The following CACNA1E variants were observed in gnomAD, a reference collection of about 807,000 sequenced individuals.
CACNA1E encodes the protein voltage-dependent R-type calcium channel subunit alpha-1E.
In CACNA1E, 40 loss-of-function variants were observed where a neutral mutation model predicts 259.2. The ratio of observed to expected loss-of-function variants is 0.15; its 90% CI spans 0.12 to 0.20. The LOEUF (loss-of-function observed/expected upper bound fraction) is 0.20. CACNA1E is among the 10% of genes least tolerant of loss of function. The pLI is 1.00. For missense variants in CACNA1E, 1,874 were observed against 3,040.1 expected, an observed-to-expected ratio of 0.62 and a Z score of 9.02; for synonymous variants, 1,104 against 1,138.5, an observed-to-expected ratio of 0.97 and a Z score of 0.61.
At chr1:181,665,305 C>T (rs781555689) in intron 7 of CACNA1E, among the ~76,000 whole-genome samples, 16 of 152,090 alleles carry the variant, frequency 1.1e-4, no homozygotes, top group Non-Finnish European at 1.9e-4. Context: ...TCATATACTC[C>T]AGGATTTGTC....
In CACNA1E at chr1:181,732,511, A is replaced by G. The variant is rs958027601; in HGVS notation, c.2425A>G (p.Asn809Asp). 53 of 1,551,154 alleles carry G rather than the reference A, an allele frequency of 3.4e-5. No individual in the cohort carries two copies. The highest frequency in any genetic ancestry group is 4.6e-5 in the Non-Finnish European group (53 of 1,146,802). Reference sequence around the variant, plus strand: ...GGAGGCGCCGACCATGAACCCGCTCAACCCCCTCAACCCGCTCAGCTCCCT... The same window carrying G: ...GGAGGCGCCGACCATGAACCCGCTCGACCCCCTCAACCCGCTCAGCTCCCT... The part of the protein sequence containing the change: ...REEAPTMNPL[N>D]PLNPLSSLNP... Residue 809 changes from asparagine to aspartate, a missense_variant, in exon 20 of 48, where the codon AAC becomes GAC. By Grantham distance (23) the Asn-to-Asp change is conservative. Transcript: ENST00000367573. The surrounding 1 kb of genome is among the most constrained non-coding windows in gnomAD (Gnocchi z 5.5).
intron 3 of CACNA1E, among the ~76,000 whole-genome samples, chr1:181,551,790 C>T (rs1648189570): frequency 1.3e-5 from 2 of 152,102 alleles, no homozygotes; most frequent in South Asian, 4.1e-4. Flanking sequence ...GAGCTCACTA[C>T]CGGGCAAGGC....
At chr1:181,719,956 AG>A (rs1558304309) in intron 13 of CACNA1E, 93 bp downstream of exon 13, 2 of 821,642 alleles carry the variant, frequency 2.4e-6, no homozygotes, top group South Asian at 1.8e-5. Context: ...TTTCCCCCTT[AG>A]GGGGAAAGTA....
At chr1:181,753,939 C>T (rs1361464963) in intron 27 of CACNA1E, among the ~76,000 whole-genome samples, 4 of 152,204 alleles carry the variant, frequency 2.6e-5, no homozygotes, top group African/African-American at 9.6e-5. Context: ...CCCATGCTCC[C>T]AAGGAAGTGG....
rs74127846 is a variant in CACNA1E, at chr1:181,746,074, G to A, written c.3720-4402G>A. Among the ~76,000 whole-genome samples, 1,098 of 152,296 alleles carry A rather than the reference G, an allele frequency of 7.2e-3. 15 individuals carry two copies. Among genetic ancestry groups the A allele is most frequent in the African/African-American group, 0.025 (1,043 of 41,562 alleles). On this transcript the variant is annotated intron_variant, in intron 25 of 47. Coordinates refer to ENST00000367573, the MANE Select transcript of CACNA1E (RefSeq NM_001205293.3). ...TCTGGTCACATGACAAAGAAAGATG[G>A]CAGAATAACAATGGATTGAGGGTTC...
intron 2 of CACNA1E, among the ~76,000 whole-genome samples, chr1:181,415,352 GC>G (rs1184942467): frequency 6.6e-6 from 1 of 152,184 alleles, no homozygotes; most frequent in Non-Finnish European, 1.5e-5. Context: ...TACCTGGGGT[GC>G]TGGCGGGGAT....
At chr1:181,729,221 C>G (rs1158833876) in intron 18 of CACNA1E, among the ~76,000 whole-genome samples, 1 of 151,752 alleles carries the variant, frequency 6.6e-6, no homozygotes, top group Non-Finnish European at 1.5e-5. Context: ...GTGTGCCCTG[C>G]TCAGCTGTGT....
intron 1 of CACNA1E, among the ~76,000 whole-genome samples, chr1:181,341,441 C>T (rs1213809634): frequency 6.6e-6 from 1 of 152,208 alleles, no homozygotes; most frequent in Non-Finnish European, 1.5e-5. Context: ...CCCCACCTTC[C>T]TCCTCCCTTG....
At chr1:181,723,492 C>A (rs11811825) in intron 16 of CACNA1E, among the ~76,000 whole-genome samples, 1 of 152,112 alleles carries the variant, frequency 6.6e-6, no homozygotes, top group Admixed American at 6.5e-5. Flanking sequence ...TTTTTACTCA[C>A]CAACAAGCAA....
At chr1:181,520,455 A>G (rs959848441) in intron 3 of CACNA1E, among the ~76,000 whole-genome samples, 19 of 152,220 alleles carry the variant, frequency 1.2e-4, no homozygotes, top group Admixed American at 6.5e-5. Flanking sequence ...TGCCTTGAAA[A>G]AAACCAGCAT....
chr1:181,502,994 T>TGGCCA, intron 1 of CACNA1E, among the ~76,000 whole-genome samples: 1 of 152,340 alleles, frequency 6.6e-6, no homozygotes, highest in East Asian at 1.9e-4. Flanking sequence ...CCACTGTGCC[T>TGGCCA]GGCCAGGCCA....
intron 1 of CACNA1E, among the ~76,000 whole-genome samples, chr1:181,354,118 A>ACTGGCAG (rs930274973): frequency 1.3e-5 from 2 of 150,050 alleles, no homozygotes; most frequent in Admixed American, 6.6e-5. Flanking sequence ...TCTATATCAG[A>ACTGGCAG]CTGGCAGCTG....
chr1:181,582,345 C>G (rs905196619), intron 6 of CACNA1E, among the ~76,000 whole-genome samples: 6 of 152,310 alleles, frequency 3.9e-5, no homozygotes, highest in Admixed American at 3.3e-4. Context: ...AGTGCAGTCA[C>G]TCCTCATTTG....
chr1:181,731,686 C>T (rs933088884), intron 19 of CACNA1E, among the ~76,000 whole-genome samples: 15 of 152,124 alleles, frequency 9.9e-5, no homozygotes, highest in Non-Finnish European at 1.8e-4. Context: ...CTGCACTTGT[C>T]ATGTTCATGA....
chr1:181,701,394 G>A (rs1001208152), intron 7 of CACNA1E, among the ~76,000 whole-genome samples: 3 of 151,842 alleles, frequency 2.0e-5, no homozygotes, highest in Non-Finnish European at 1.5e-5. Flanking sequence ...AGATGGAGGA[G>A]AAAGAAGAAT....
At chr1:181,779,615 C>A (rs1235184648) in intron 38 of CACNA1E, 4 of 326,240 alleles carry the variant, frequency 1.2e-5, no homozygotes, top group Non-Finnish European at 2.6e-5. Context: ...CTCTGCTCCA[C>A]CACCACTGCG....
intron 2 of CACNA1E, among the ~76,000 whole-genome samples, chr1:181,511,113 C>G (rs573943686): frequency 6.6e-6 from 1 of 152,192 alleles, no homozygotes; most frequent in East Asian, 1.9e-4. Context: ...CCATCAGGGA[C>G]CTTCCTGGGA....
At chr1:181,773,932 T>A (rs1659743284) in intron 37 of CACNA1E, among the ~76,000 whole-genome samples, 1 of 152,200 alleles carries the variant, frequency 6.6e-6, no homozygotes, top group South Asian at 2.1e-4. Context: ...CACGAGATGA[T>A]CTGCTTTCAG....
At chr1:181,717,016 T>A in intron 10 of CACNA1E, 77 bp from the exon 11 acceptor site, 1 of 1,219,690 alleles carries the variant, frequency 8.2e-7, no homozygotes. Flanking sequence ...GAGCAGCCCA[T>A]CTTGCCCTTC....
Sources: allele counts gnomAD v4.1 joint callset (sites outside exome capture counted in the v4.1 genomes callset), GRCh38; gene constraint gnomAD v4.1.1; non-coding constraint Gnocchi (gnomAD v3.1); transcripts MANE v1.5; gene names NCBI Gene and HGNC (gene_info 2026-07-23, HGNC 2026-07-21).